SPAG16: variants seen among roughly 807,000 people sequenced by gnomAD.
SPAG16 encodes sperm-associated antigen 16 protein.
A neutral mutation model predicts 80.4 loss-of-function variants in SPAG16; 86 were observed. That is an observed-to-expected ratio of 1.07 (90% CI 0.90 to 1.28). The LOEUF (loss-of-function observed/expected upper bound fraction) is 1.28. Ranked by LOEUF, SPAG16 falls within the 50% of genes most tolerant of loss-of-function variation. The pLI is 0.00. For missense variants in SPAG16, 870 were observed against 765.3 expected (o/e 1.14, Z -1.61); for synonymous variants, 294 against 265.9 (o/e 1.11, Z -1.03).
chr2:214,006,892 T>C (rs2047049045), intron 12 of SPAG16, among the ~76,000 whole-genome samples: 1 of 152,216 alleles, frequency 6.6e-6, no homozygotes, highest in African/African-American at 2.4e-5. Flanking sequence ...AGCTTTTCTA[T>C]TTTGTTTCGG....
intron 10 of SPAG16, among the ~76,000 whole-genome samples, chr2:213,626,641 ATTTTT>A (rs10582370): frequency 4.0e-5 from 4 of 98,978 alleles, no homozygotes; most frequent in Admixed American, 1.3e-4. Context: ...ATCGGGCTCA[ATTTTT>A]TTTTTTTTTT....
At position 213,552,204 on chromosome 2, in the gene SPAG16, C is replaced by T. The variant is rs142136382; in HGVS notation, c.1070+62114C>T. On this transcript the variant is annotated intron_variant, in intron 10 of 15. Transcript: ENST00000331683. Reference sequence around the variant, plus strand: ...TATCTGCCTTTCTTGAATTTGCTCCCTGCTTTAGTATACAGACACTCTGCG... The same window carrying T: ...TATCTGCCTTTCTTGAATTTGCTCCTTGCTTTAGTATACAGACACTCTGCG... Among the ~76,000 whole-genome samples, 90 of 152,282 alleles carry T rather than the reference C, an allele frequency of 5.9e-4. No homozygotes were observed. In the East Asian group the frequency reaches 0.016, roughly 26 times the overall value.
intron 15 of SPAG16, among the ~76,000 whole-genome samples, chr2:214,324,877 TACAC>T (rs1416139823): frequency 2.0e-5 from 3 of 152,098 alleles, no homozygotes; most frequent in Non-Finnish European, 4.4e-5. Flanking sequence ...TAAACAAACA[TACAC>T]ACAGGCATGC....
chr2:213,593,081 T>A (rs926637757), intron 10 of SPAG16, among the ~76,000 whole-genome samples: 1 of 151,978 alleles, frequency 6.6e-6, no homozygotes, highest in Non-Finnish European at 1.5e-5. Flanking sequence ...ATATATATAT[T>A]TTTACTTGTA....
chr2:214,276,109 T>C (rs1040239773), intron 15 of SPAG16, among the ~76,000 whole-genome samples: 1 of 152,210 alleles, frequency 6.6e-6, no homozygotes, highest in African/African-American at 2.4e-5. Flanking sequence ...GAGACTAGAA[T>C]TGCAACCCCT....
rs771528293 is a variant in SPAG16 at position 213,284,749 on chromosome 2, A to G, written c.136+130A>G. On this transcript the variant is annotated intron_variant, in intron 1 of 15. Coordinates refer to ENST00000331683, the MANE Select transcript of SPAG16 (RefSeq NM_024532.5). ...TCCGGAGGAGCCTCTGTTGGACTTCAAGGTGCTGTTTTTGCCACCACAGTC... is the reference window on the plus strand; with the variant it reads ...TCCGGAGGAGCCTCTGTTGGACTTCGAGGTGCTGTTTTTGCCACCACAGTC... 3.2e-5 allele frequency: 42 copies of G among 1,333,094 alleles called. No homozygotes were observed. In the South Asian group the frequency reaches 6.5e-4, roughly 21 times the overall value. The allele number at this position is 1,333,094 out of a possible 1,614,324, so 82.6% of individuals were successfully genotyped here.
chr2:214,403,154 T>A (rs1701808292), intron 15 of SPAG16, among the ~76,000 whole-genome samples: 1 of 151,594 alleles, frequency 6.6e-6, no homozygotes, highest in Non-Finnish European at 1.5e-5. Flanking sequence ...CTGTGTGGCC[T>A]TGGAGAAGTT....
At chr2:213,765,104 A>G (rs987093579) in intron 10 of SPAG16, among the ~76,000 whole-genome samples, 1 of 152,248 alleles carries the variant, frequency 6.6e-6, no homozygotes, top group African/African-American at 2.4e-5. Flanking sequence ...ACGATGGCTC[A>G]TGCCTGTAAT....
intron 10 of SPAG16, among the ~76,000 whole-genome samples, chr2:213,552,046 A>G (rs2076794566): frequency 1.3e-5 from 2 of 152,110 alleles, no homozygotes; most frequent in Admixed American, 1.3e-4. Flanking sequence ...TGGTCTTCAT[A>G]TCAGTTGTTT....
chr2:213,394,441 T>A (rs1425227860), intron 9 of SPAG16, among the ~76,000 whole-genome samples: 1 of 152,138 alleles, frequency 6.6e-6, no homozygotes, highest in East Asian at 1.9e-4. Context: ...TCCCATACAG[T>A]CTTTACCCAG....
At chr2:213,774,663 A>G (rs1296966782) in intron 10 of SPAG16, among the ~76,000 whole-genome samples, 1 of 152,224 alleles carries the variant, frequency 6.6e-6, no homozygotes, top group Non-Finnish European at 1.5e-5. Context: ...CTCTGGTACC[A>G]TCACTTTTAA....
intron 12 of SPAG16, among the ~76,000 whole-genome samples, chr2:213,938,044 T>A (rs923267756): frequency 2.0e-5 from 3 of 152,104 alleles, no homozygotes; most frequent in African/African-American, 4.8e-5. Context: ...CCAAAAAAGC[T>A]ATTTATTAGA....
At chr2:213,361,872 G>A (rs1233250278) in intron 7 of SPAG16, among the ~76,000 whole-genome samples, 1 of 151,384 alleles carries the variant, frequency 6.6e-6, no homozygotes, top group Non-Finnish European at 1.5e-5. Flanking sequence ...TGAATTTGCT[G>A]AGGAGAGCTG....
chr2:213,575,539 T>G (rs1172386745), intron 10 of SPAG16, among the ~76,000 whole-genome samples: 2 of 152,176 alleles, frequency 1.3e-5, no homozygotes, highest in Admixed American at 6.6e-5. Context: ...GGTTTGTTTA[T>G]AATGATTTTG....
intron 14 of SPAG16, among the ~76,000 whole-genome samples, chr2:214,114,703 C>T (rs971561734): frequency 6.6e-6 from 1 of 152,150 alleles, no homozygotes. Context: ...TTTCCAGGTA[C>T]AGTCTGTCAC....
chr2:213,738,782 T>C (rs923201777), intron 10 of SPAG16, among the ~76,000 whole-genome samples: 4 of 152,316 alleles, frequency 2.6e-5, no homozygotes, highest in East Asian at 3.9e-4. Flanking sequence ...CATGGTAGGA[T>C]TGCACTTTTT....
chr2:213,917,900 G>T (rs1344262279), intron 11 of SPAG16, among the ~76,000 whole-genome samples: 7 of 152,128 alleles, frequency 4.6e-5, no homozygotes. Flanking sequence ...GTATGATGTT[G>T]GTTGTGGGTT....
At position 213,309,538 on chromosome 2, in the gene SPAG16, GCAAACCTA is replaced by G. The variant is rs573060935; in HGVS notation, c.280-519_280-512del. Among the ~76,000 whole-genome samples, 231 of 151,968 alleles carry G rather than the reference GCAAACCTA, an allele frequency of 1.5e-3. 1 individual carries two copies. The highest frequency in any genetic ancestry group is 5.3e-3 in the African/African-American group (219 of 41,474). On this transcript the variant is annotated intron_variant, in intron 3 of 15. Coordinates refer to ENST00000331683, the MANE Select transcript of SPAG16 (RefSeq NM_024532.5). The stretch of plus-strand genomic sequence containing the variant: ...TAACATGCTATGTGCTATTGAAAGG[GCAAACCTA>G]CCTTCTTACTATCCTTTAGACAATC...
intron 10 of SPAG16, among the ~76,000 whole-genome samples, chr2:213,560,741 T>G (rs1182875781): frequency 6.6e-6 from 1 of 152,214 alleles, no homozygotes; most frequent in Non-Finnish European, 1.5e-5. Context: ...CACTTCCTAC[T>G]CCTTAAGAGT....
Sources: allele counts gnomAD v4.1 joint callset (sites outside exome capture counted in the v4.1 genomes callset), GRCh38; gene constraint gnomAD v4.1.1; transcripts MANE v1.5; gene names NCBI Gene and HGNC (gene_info 2026-07-23, HGNC 2026-07-21).